Variants in MAST1 observed in about 807,000 individuals in gnomAD.
MAST1 encodes microtubule associated serine/threonine kinase 1.
A neutral mutation model predicts 124.6 loss-of-function variants in MAST1; 40 were observed. The observed-to-expected ratio is 0.32, with a 90% CI of 0.25 to 0.42. MAST1 has a LOEUF of 0.42. Ranked by LOEUF, MAST1 falls within the 10% of genes least tolerant of loss-of-function variation. The pLI, the probability that MAST1 is intolerant of heterozygous loss-of-function variation, is 1.00. For synonymous variants in MAST1, 938 were observed against 939.4 expected (o/e 1.00, Z 0.03); for missense variants, 1,558 against 2,181.9 (o/e 0.71, Z 5.70).
At chr19:12,839,284 C>T (rs1489762248) in intron 1 of MAST1, among the ~76,000 whole-genome samples, 1 of 152,038 alleles carries the variant, frequency 6.6e-6, no homozygotes, top group Non-Finnish European at 1.5e-5. Context: ...ACATACCTAG[C>T]CTTGCAGCTG....
At position 12,852,310 on chromosome 19, in the gene MAST1, C is replaced by A; in HGVS notation, c.1010-18C>A. ...AGGCCCAGAACCCAGCTCGTGCTCA[C>A]TCTCAGTCCCTCCCTAGATGTGGTG... On this transcript the variant is annotated intron_variant, in intron 9 of 25. Coordinates refer to ENST00000251472, the MANE Select transcript of MAST1 (RefSeq NM_014975.3). 1 of 1,614,150 alleles carries A rather than the reference C, an allele frequency of 6.2e-7. No homozygotes were observed. Among genetic ancestry groups the A allele is most frequent in the Non-Finnish European group, 8.5e-7 (1 of 1,180,042 alleles).
In MAST1 at chr19:12,861,124, G is replaced by A. The variant is rs151147392; in HGVS notation, c.1366+2385G>A. Among the ~76,000 whole-genome samples the A allele has an allele frequency of 1.7e-3, 262 of 152,110 alleles. 3 individuals are homozygous for A. Among genetic ancestry groups the A allele is most frequent in the Middle Eastern group, 0.014 (4 of 294 alleles). On this transcript the variant is annotated intron_variant, in intron 12 of 25. Transcript: ENST00000251472. ...TTCACCCAGGCTGGAGTGCCGTGGC[G>A]CAATCTTGGTGCACAGCAACCTCCA... is the stretch of plus-strand genomic sequence containing the variant.
chr19:12,849,523 G>C (rs1969935825), intron 7 of MAST1, among the ~76,000 whole-genome samples: 1 of 152,000 alleles, frequency 6.6e-6, no homozygotes, highest in Non-Finnish European at 1.5e-5. Flanking sequence ...AGTTAGCCGG[G>C]CTTGGTGGCA....
rs142637282 is a variant in MAST1 at position 12,873,462 on chromosome 19, G to C, written c.3402G>C (p.Ala1134=). The C allele has an allele frequency of 2.3e-5, 37 of 1,610,486 alleles. No individual in the cohort carries two copies. In the African/African-American group the frequency reaches 3.7e-4, roughly 16 times the overall value. ...GCTCGCCTACGCACGGGCTGCCGGC[G>C]CGCTCGCCCACGCACAGCTACCGCT... ...LPGSPTHGLP[A]RSPTHSYRST... is the part of the protein sequence containing the mutation. Residue 1134 remains alanine, a synonymous_variant, in exon 25 of 26, where the codon GCG becomes GCC. Transcript: ENST00000251472.
In MAST1 at chr19:12,847,736, C is replaced by T; in HGVS notation, c.564+49C>T. The T allele has an allele frequency of 1.2e-6, 2 of 1,600,362 alleles. No homozygotes were observed. Among genetic ancestry groups the T allele is most frequent in the Non-Finnish European group, 1.7e-6 (2 of 1,170,900 alleles). ...ACGGGGTGACCAGGCGGCCTGCACTCTCGCTCGCCTTATCCCCGCGCGCCC... is the reference window on the plus strand; with the variant it reads ...ACGGGGTGACCAGGCGGCCTGCACTTTCGCTCGCCTTATCCCCGCGCGCCC... On this transcript the variant is annotated intron_variant, in intron 6 of 25. Coordinates refer to ENST00000251472, the MANE Select transcript of MAST1 (RefSeq NM_014975.3). The surrounding 1 kb of genome is among the most constrained non-coding windows in gnomAD (Gnocchi z 5.5).
chr19:12,852,731 C>G (rs893161214), intron 10 of MAST1, among the ~76,000 whole-genome samples: 1 of 151,628 alleles, frequency 6.6e-6, no homozygotes, highest in African/African-American at 2.4e-5. Flanking sequence ...TGCCTCTAAT[C>G]CCAGCTACTT....
At chr19:12,863,924 C>T (rs915781079) in intron 12 of MAST1, among the ~76,000 whole-genome samples, 3 of 132,018 alleles carry the variant, frequency 2.3e-5, no homozygotes, top group East Asian at 2.3e-4. Context: ...CTACAAAAAA[C>T]TTTTTTTTTT....
In MAST1 at chr19:12,871,176, G is replaced by A. The variant is rs572440582; in HGVS notation, c.3263+4G>A. ...CCGCCAAGGAGGGCCAGGAGAGGTG[G>A]GCACAGCCGTAAACAGCCTGGTCTT... On this transcript the variant is annotated splice_donor_region_variant and intron_variant, in intron 24 of 25. Transcript: ENST00000251472. The A allele has an allele frequency of 5.6e-6, 9 of 1,613,914 alleles. No homozygotes were observed. The highest frequency in any genetic ancestry group is 6.8e-6 in the Non-Finnish European group (8 of 1,180,008).
At chr19:12,855,527 C>T (rs1970007848) in intron 10 of MAST1, among the ~76,000 whole-genome samples, 1 of 152,090 alleles carries the variant, frequency 6.6e-6, no homozygotes, top group African/African-American at 2.4e-5. Context: ...GGGGGTGGTC[C>T]TGTGATATTG....
In MAST1 at chr19:12,867,946, A is replaced by C. The variant is rs1319479705; in HGVS notation, c.2535A>C (p.Glu845Asp). Residue 845 changes from glutamate (E) to aspartate (D), a missense_variant, in exon 20 of 26, where the codon GAA (glutamate) becomes GAC (aspartate). This residue lies in a region of MAST1 where 287 missense variants were observed against 308.0 expected (regional missense o/e 0.93). Coordinates refer to ENST00000251472, the MANE Select transcript of MAST1 (RefSeq NM_014975.3). ...CCCCCAAAGAGGAGACTCAAGGGGA[A>C]GGCACCTCCAGCGCCGGGGACTCCG... Reference protein sequence around the residue: ...ARAPKEETQGEGTSSAGDSEA... With the variant: ...ARAPKEETQGDGTSSAGDSEA... 2 of 1,574,922 alleles carry C rather than the reference A, an allele frequency of 1.3e-6. No individual in the cohort carries two copies. The highest frequency in any genetic ancestry group is 1.7e-6 in the Non-Finnish European group (2 of 1,162,412).
In MAST1 at chr19:12,870,048, G is replaced by A. The variant is rs187706172; in HGVS notation, c.3003+753G>A. On this transcript the variant is annotated intron_variant, in intron 22 of 25. Transcript: ENST00000251472. ...TACAAAAAATTAGCTGGGCATGGTG[G>A]TGGGCGCCTGTAGTCCCAGCTACTT... is the stretch of plus-strand genomic sequence containing the variant. Among the ~76,000 whole-genome samples the A allele has an allele frequency of 3.7e-3, 552 of 150,584 alleles. 10 individuals are homozygous for A. The Middle Eastern group carries it at 0.044, about 12-fold the overall frequency.
chr19:12,851,084 A>G (rs1255515688), intron 7 of MAST1, among the ~76,000 whole-genome samples: 7 of 151,256 alleles, frequency 4.6e-5, no homozygotes, highest in African/African-American at 1.7e-4. Context: ...AGTAGCTGGC[A>G]TTACAAGTGT....
At chr19:12,870,029 A>C (rs1303788058) in intron 22 of MAST1, among the ~76,000 whole-genome samples, 14 of 149,300 alleles carry the variant, frequency 9.4e-5, no homozygotes, top group Admixed American at 3.3e-4. Context: ...AAAATACAAA[A>C]AATTAGCTGG....
At chr19:12,856,661 C>T (rs889794188) in intron 10 of MAST1, among the ~76,000 whole-genome samples, 6 of 152,136 alleles carry the variant, frequency 3.9e-5, no homozygotes, top group African/African-American at 9.7e-5. Flanking sequence ...TGCATTTTTA[C>T]ACTTAATAAA....
At chr19:12,854,874 T>A (rs1361128536) in intron 10 of MAST1, among the ~76,000 whole-genome samples, 1 of 152,184 alleles carries the variant, frequency 6.6e-6, no homozygotes, top group African/African-American at 2.4e-5. Context: ...ATGTTCCAGA[T>A]GTCTAGTGGA....
At chr19:12,862,854 AT>A (rs1970101895) in intron 12 of MAST1, among the ~76,000 whole-genome samples, 1 of 151,732 alleles carries the variant, frequency 6.6e-6, no homozygotes, top group South Asian at 2.1e-4. Flanking sequence ...TTTAGTAGAG[AT>A]GGGGTTTCTC....
Position 12,847,843 on chromosome 19 carries a change from C to A in MAST1, c.565-5C>A. 6.2e-7 allele frequency: 1 copy of A among 1,606,822 alleles called. No homozygotes were observed. Among genetic ancestry groups the A allele is most frequent in the East Asian group, 2.2e-5 (1 of 44,512 alleles). On this transcript the variant is annotated splice_polypyrimidine_tract_variant and splice_region_variant and intron_variant, in intron 6 of 25. Transcript: ENST00000251472. The surrounding 1 kb of genome is among the most constrained non-coding windows in gnomAD (Gnocchi z 5.5). ...CCCCGCGCCCCTCCTCCGTCCCTCC[C>A]GCAGGCCACTGCGCAGATGGAGGAG...
At chr19:12,858,507 G>A (rs1156599974) in intron 11 of MAST1, 24 bp from the exon 12 acceptor site, 7 of 1,612,158 alleles carry the variant, frequency 4.3e-6, no homozygotes, top group Non-Finnish European at 5.1e-6. Context: ...GGTGACGGCC[G>A]GTCCTCGCTC....
At position 12,838,678 on chromosome 19, in the gene MAST1, A is replaced by T; in HGVS notation, c.83+23A>T. On this transcript the variant is annotated intron_variant, in intron 1 of 25. Coordinates refer to ENST00000251472, the MANE Select transcript of MAST1 (RefSeq NM_014975.3). This position sits in a 1 kb window ranked among gnomAD's most constrained non-coding sequence, Gnocchi z 4.3. The stretch of plus-strand genomic sequence containing the variant: ...GAGGTAGACCCCCGATCCCCTAGAC[A>T]TTGTCCCGGCCCTCCCCGCAAAAGC... 1.9e-6 allele frequency: 3 copies of T among 1,600,748 alleles called. No homozygotes were observed. Among genetic ancestry groups the T allele is most frequent in the Non-Finnish European group, 2.6e-6 (3 of 1,173,122 alleles).
Sources: gnomAD v4.1 joint callset for allele counts (sites outside exome capture counted in the v4.1 genomes callset) on GRCh38, gnomAD v4.1.1 for gene constraint, gnomAD v4.1.1 regional missense constraint, Gnocchi (gnomAD v3.1) non-coding constraint, MANE v1.5 for transcripts, NCBI Gene and HGNC (gene_info 2026-07-23, HGNC 2026-07-21) for gene names.